TNFSF11: variants seen among roughly 807,000 people sequenced by gnomAD.
TNFSF11 encodes TNF superfamily member 11.
In TNFSF11, 12 loss-of-function variants were observed where a neutral mutation model predicts 32.2. The observed-to-expected ratio is 0.37, with a 90% CI of 0.24 to 0.60. The LOEUF is 0.60. Ranked by LOEUF, TNFSF11 falls within the 20% of genes least tolerant of loss-of-function variation. TNFSF11 has a pLI of 0.66. For synonymous variants in TNFSF11, 172 were observed against 152.1 expected, an observed-to-expected ratio of 1.13 and a Z score of -0.96; for missense variants, 345 against 398.0, an observed-to-expected ratio of 0.87 and a Z score of 1.13.
chr13:42,595,147 T>C (rs1188511957), intron 2 of TNFSF11, among the ~76,000 whole-genome samples: 6 of 152,194 alleles, frequency 3.9e-5, no homozygotes. Flanking sequence ...GTTGTCAGGA[T>C]TGTCAATGTT....
intron 2 of TNFSF11, among the ~76,000 whole-genome samples, chr13:42,593,861 A>G (rs923707844): frequency 6.6e-6 from 1 of 152,200 alleles, no homozygotes; most frequent in African/African-American, 2.4e-5. Flanking sequence ...GACCCCAGCT[A>G]TAAGCTGGTG....
intron 2 of TNFSF11, among the ~76,000 whole-genome samples, chr13:42,591,033 T>C (rs1430862373): frequency 2.6e-5 from 4 of 152,114 alleles, no homozygotes; most frequent in African/African-American, 7.2e-5. Flanking sequence ...TATTTGGGGT[T>C]TGGGGAGGAG....
intron 2 of TNFSF11, among the ~76,000 whole-genome samples, chr13:42,598,342 T>C (rs893340999): frequency 1.3e-5 from 2 of 152,168 alleles, no homozygotes; most frequent in Admixed American, 6.5e-5. Flanking sequence ...CCTCTTCCAA[T>C]CTTTTAAGAG....
intron 2 of TNFSF11, among the ~76,000 whole-genome samples, chr13:42,594,221 G>T (rs1388291288): frequency 6.6e-6 from 1 of 151,878 alleles, no homozygotes; most frequent in African/African-American, 2.4e-5. Context: ...TGGGATTACT[G>T]GCAACTGCCA....
intron 2 of TNFSF11, among the ~76,000 whole-genome samples, chr13:42,588,221 C>G (rs1873992171): frequency 6.6e-6 from 1 of 152,196 alleles, no homozygotes. Context: ...AGTTTTCCTA[C>G]AAAACCAAGG....
At chr13:42,597,860 C>CT (rs971169683) in intron 2 of TNFSF11, among the ~76,000 whole-genome samples, 2 of 151,896 alleles carry the variant, frequency 1.3e-5, no homozygotes, top group Admixed American at 6.6e-5. Context: ...CTTTTCTTTT[C>CT]TTTTTTTTAG....
At chr13:42,573,412 A>G (rs189989789), upstream of TNFSF11, among the ~76,000 whole-genome samples, 20 of 152,370 alleles carry the variant, frequency 1.3e-4, no homozygotes, top group East Asian at 7.7e-4. Context: ...AGGTTTCTTT[A>G]GCAATGAAAC....
At chr13:42,601,897 AC>A (rs2137907282) in intron 4 of TNFSF11, among the ~76,000 whole-genome samples, 1 of 152,324 alleles carries the variant, frequency 6.6e-6, no homozygotes, top group East Asian at 1.9e-4. Flanking sequence ...ACTGAATGAT[AC>A]ATAGGTTGTC....
chr13:42,573,561 TGGTG>T (rs1873147643), upstream of TNFSF11, among the ~76,000 whole-genome samples: 1 of 152,196 alleles, frequency 6.6e-6, no homozygotes, highest in Non-Finnish European at 1.5e-5. Flanking sequence ...AAGTCAGAGT[TGGTG>T]TCTATAGGCT....
At chr13:42,582,711 G>A (rs1873677477) in intron 2 of TNFSF11, among the ~76,000 whole-genome samples, 2 of 152,208 alleles carry the variant, frequency 1.3e-5, no homozygotes. Flanking sequence ...TTTAAATTCA[G>A]TGATCCTTAA....
intron 1 of TNFSF11, among the ~76,000 whole-genome samples, chr13:42,575,951 A>G (rs1272062405): frequency 6.6e-6 from 1 of 152,236 alleles, no homozygotes; most frequent in East Asian, 1.9e-4. Flanking sequence ...ATGGAGTGCC[A>G]GCGTTGTGCG....
At chr13:42,600,553 A>G (rs890925821) in intron 2 of TNFSF11, among the ~76,000 whole-genome samples, 199 bp from the exon 3 acceptor site, 7 of 152,306 alleles carry the variant, frequency 4.6e-5, no homozygotes, top group South Asian at 2.1e-4. Context: ...ATGATCTCAA[A>G]CACATCAACA....
intron 2 of TNFSF11, among the ~76,000 whole-genome samples, chr13:42,589,770 G>T (rs1473147930): frequency 6.6e-6 from 1 of 152,226 alleles, no homozygotes; most frequent in African/African-American, 2.4e-5. Flanking sequence ...CCTGCGAACA[G>T]TGTCCTCAGA....
intron 2 of TNFSF11, among the ~76,000 whole-genome samples, chr13:42,600,415 TA>T (rs556774268): frequency 3.3e-5 from 5 of 152,372 alleles, no homozygotes; most frequent in Admixed American, 3.3e-4. Flanking sequence ...GTTATTTTCC[TA>T]GTTAACTTCA....
intron 2 of TNFSF11, among the ~76,000 whole-genome samples, chr13:42,566,973 C>G (rs1223205736): frequency 6.7e-6 from 1 of 150,062 alleles, no homozygotes; most frequent in African/African-American, 2.5e-5. Context: ...GCCTTGGTGA[C>G]AGAGAAGGAC....
At chr13:42,574,055 G>A (rs564902064), upstream of TNFSF11, 3 of 557,556 alleles carry the variant, frequency 5.4e-6, no homozygotes, top group South Asian at 4.2e-5. Flanking sequence ...GGGAGCCAGA[G>A]GTGGGAGTGG....
intron 1 of TNFSF11, among the ~76,000 whole-genome samples, chr13:42,578,444 G>A (rs758314714): frequency 6.6e-6 from 1 of 152,200 alleles, no homozygotes; most frequent in African/African-American, 2.4e-5. Context: ...CAGGAAAGGA[G>A]AGCTGCAAGG....
At chr13:42,565,983 CAG>C (rs368107960) in intron 1 of TNFSF11, among the ~76,000 whole-genome samples, 120 of 152,288 alleles carry the variant, frequency 7.9e-4, no homozygotes, top group African/African-American at 2.9e-3. Flanking sequence ...CTCAATAACA[CAG>C]AGAGTATGTG....
chr13:42,570,152 A>G (rs191112119), upstream of TNFSF11, among the ~76,000 whole-genome samples: 6 of 152,306 alleles, frequency 3.9e-5, no homozygotes, highest in Non-Finnish European at 8.8e-5. Flanking sequence ...AAATGACTGA[A>G]CATGAACAGC....
Sources: allele counts gnomAD v4.1 joint callset (sites outside exome capture counted in the v4.1 genomes callset), GRCh38; gene constraint gnomAD v4.1.1; transcripts MANE v1.5; gene names NCBI Gene and HGNC (gene_info 2026-07-23, HGNC 2026-07-21).